The following RBFOX1 variants were observed in gnomAD, a reference collection of about 807,000 sequenced individuals.
RBFOX1 encodes the protein RNA binding protein fox-1 homolog 1.
Under a neutral mutation model 57.7 loss-of-function variants are expected in RBFOX1, and 8 were observed. The observed-to-expected ratio is 0.14, with a 90% confidence interval of 0.08 to 0.25. RBFOX1 has a LOEUF of 0.25. Among genes scored for constraint, RBFOX1 ranks in the 10% least tolerant of loss-of-function variants. The pLI is 1.00. For missense variants in RBFOX1, 611 were observed against 548.5 expected (o/e 1.11, Z -1.14); for synonymous variants, 326 against 222.4 (o/e 1.47, Z -4.15).
chr16:6,478,463 A>C (rs182542807), intron 2 of RBFOX1, among the ~76,000 whole-genome samples: 60 of 114,246 alleles, frequency 5.3e-4, no homozygotes, highest in Admixed American at 9.5e-4. Flanking sequence ...TTTAGTAGAG[A>C]CAGGGTTTCA....
At chr16:6,408,135 C>T (rs1213113284) in intron 2 of RBFOX1, among the ~76,000 whole-genome samples, 3 of 152,088 alleles carry the variant, frequency 2.0e-5, no homozygotes, top group Admixed American at 6.5e-5. Flanking sequence ...CTTGGACTTC[C>T]CTGCCTCCAG....
intron 2 of RBFOX1, among the ~76,000 whole-genome samples, chr16:6,543,241 C>T (rs1037222568): frequency 6.6e-6 from 1 of 152,112 alleles, no homozygotes; most frequent in Non-Finnish European, 1.5e-5. Context: ...TGGATGGCGT[C>T]TCCTCCATGC....
At chr16:7,414,453 C>G (rs963901785) in intron 4 of RBFOX1, among the ~76,000 whole-genome samples, 2 of 152,128 alleles carry the variant, frequency 1.3e-5, no homozygotes, top group Non-Finnish European at 2.9e-5. Context: ...AAATGTGATT[C>G]TTTCTAATGT....
rs150670637 is a variant in RBFOX1, at chr16:5,437,732, A to G, written c.220-29484A>G. Among the ~76,000 whole-genome samples the G allele has an allele frequency of 6.6e-3, 1,007 of 152,352 alleles. 6 individuals are homozygous for G. Among genetic ancestry groups the G allele is most frequent in the Non-Finnish European group, 0.011 (730 of 68,030 alleles). On this transcript the variant is annotated intron_variant, in intron 1 of 2. Coordinates refer to the RBFOX1 transcript ENST00000585867. ...AAATATCAGAAGAAACTGTCCTGCA[A>G]TGGCTGTGCCTGGATAATGAGGCTC...
intron 4 of RBFOX1, among the ~76,000 whole-genome samples, chr16:7,401,172 A>C (rs962290341): frequency 2.0e-5 from 3 of 152,246 alleles, no homozygotes; most frequent in African/African-American, 7.2e-5. Context: ...TTTTTAAAAA[A>C]TGTATCTTCA....
At chr16:6,424,032 G>C (rs2093850367) in intron 2 of RBFOX1, among the ~76,000 whole-genome samples, 1 of 152,140 alleles carries the variant, frequency 6.6e-6, no homozygotes. Flanking sequence ...TAGGTCAGGA[G>C]TTCGAGACCA....
In RBFOX1 at chr16:5,947,923, A is replaced by T. The variant is rs2059436510; in HGVS notation, c.351+80588A>T. The stretch of plus-strand genomic sequence containing the variant: ...TTTGAATGGCTCTGCTCATTATGGT[A>T]CAGAATTTTAATTTGCAAATGCATC... On this transcript the variant is annotated intron_variant, in intron 4 of 19. Transcript: ENST00000641259. The surrounding 1 kb of genome is among the most constrained non-coding windows in gnomAD (Gnocchi z 7.2). 6.6e-6 allele frequency among the ~76,000 whole-genome samples: 1 copy of T among 152,210 alleles called. No individual in the cohort carries two copies.
intron 6 of RBFOX1, among the ~76,000 whole-genome samples, chr16:7,585,240 T>G (rs1392509394): frequency 1.3e-5 from 2 of 152,206 alleles, no homozygotes; most frequent in Non-Finnish European, 1.5e-5. Context: ...GAAATTCAGC[T>G]CACGTTTGAA....
intron 1 of RBFOX1, among the ~76,000 whole-genome samples, chr16:5,328,642 A>G (rs1427383704): frequency 6.6e-6 from 1 of 152,190 alleles, no homozygotes; most frequent in African/African-American, 2.4e-5. Context: ...CACGTGGAAG[A>G]TCTAATGAGA....
intron 1 of RBFOX1, among the ~76,000 whole-genome samples, chr16:5,413,422 C>A (rs1361910593): frequency 6.6e-6 from 1 of 152,170 alleles, no homozygotes; most frequent in African/African-American, 2.4e-5. Context: ...TCCGTGGTAT[C>A]CATGTAGCTA....
chr16:6,478,414 TATATATA>T (rs2095312190), intron 2 of RBFOX1, among the ~76,000 whole-genome samples: 16 of 31,440 alleles, frequency 5.1e-4, no homozygotes, highest in East Asian at 1.5e-3. Flanking sequence ...TATATATATA[TATATATA>T]TATATATATT....
intron 3 of RBFOX1, among the ~76,000 whole-genome samples, chr16:6,947,518 T>A (rs114945540): frequency 0.018 from 2,699 of 152,222 alleles, 85 homozygotes; most frequent in African/African-American, 0.062. Context: ...GAAAAAGAGA[T>A]GTGAGATGAG....
At chr16:7,494,559 C>T (rs1285406152) in intron 4 of RBFOX1, among the ~76,000 whole-genome samples, 3 of 152,164 alleles carry the variant, frequency 2.0e-5, no homozygotes, top group African/African-American at 4.8e-5. Flanking sequence ...AGATGTTCAG[C>T]ATAGTGATAA....
intron 3 of RBFOX1, among the ~76,000 whole-genome samples, chr16:5,616,642 C>G (rs1252220410): frequency 6.8e-6 from 1 of 146,436 alleles, no homozygotes; most frequent in Non-Finnish European, 1.5e-5. Context: ...TCCTCCTCAC[C>G]CCTCCTCCTC....
At chr16:5,844,404 G>C (rs573102045) in intron 3 of RBFOX1, among the ~76,000 whole-genome samples, 2 of 152,254 alleles carry the variant, frequency 1.3e-5, no homozygotes, top group African/African-American at 4.8e-5. Context: ...GTAAAGAATG[G>C]TCCCCAAAGT....
intron 11 of RBFOX1, among the ~76,000 whole-genome samples, chr16:7,634,390 T>G (rs1200643578): frequency 6.6e-6 from 1 of 151,542 alleles, no homozygotes; most frequent in Non-Finnish European, 1.5e-5. Context: ...TGATGTTTGT[T>G]TTTTTTTTTC....
chr16:5,917,715 T>G (rs188525106), intron 4 of RBFOX1, among the ~76,000 whole-genome samples: 19 of 152,326 alleles, frequency 1.2e-4, no homozygotes, highest in Admixed American at 7.8e-4. Context: ...ATACCTGACA[T>G]AACCTCTCCC....
chr16:7,342,806 C>T (rs1347762983), intron 4 of RBFOX1, among the ~76,000 whole-genome samples: 6 of 152,290 alleles, frequency 3.9e-5, no homozygotes, highest in Admixed American at 2.0e-4. Flanking sequence ...ATCCTCTTCC[C>T]ACTCCCTAAG....
At chr16:5,387,923 T>A (rs2066299976) in intron 1 of RBFOX1, among the ~76,000 whole-genome samples, 2 of 152,166 alleles carry the variant, frequency 1.3e-5, no homozygotes, top group Non-Finnish European at 2.9e-5. Flanking sequence ...AGCGATCTCA[T>A]GGGAGAGAAA....
Sources: allele counts gnomAD v4.1 joint callset (sites outside exome capture counted in the v4.1 genomes callset), GRCh38; gene constraint gnomAD v4.1.1; non-coding constraint Gnocchi (gnomAD v3.1); transcripts MANE v1.5; gene names NCBI Gene and HGNC (gene_info 2026-07-23, HGNC 2026-07-21).